PHLPP1: variants seen among roughly 807,000 people sequenced by gnomAD.
PHLPP1 encodes the protein PH domain and leucine rich repeat protein phosphatase 1, also known as PH domain leucine-rich repeat-containing protein phosphatase 1.
PHLPP1 carries 42 observed loss-of-function variants against 117.2 expected under a neutral mutation model. That is an observed-to-expected ratio of 0.36 (90% CI 0.28 to 0.46). The LOEUF (loss-of-function observed/expected upper bound fraction) is 0.46, where lower values mean the gene tolerates loss of function less well. Ranked by LOEUF, PHLPP1 falls within the 20% of genes least tolerant of loss-of-function variation. PHLPP1 has a pLI of 1.00. For synonymous variants in PHLPP1, 1,042 were observed against 970.7 expected, an observed-to-expected ratio of 1.07 and a Z score of -1.37; for missense variants, 2,084 against 2,241.9, an observed-to-expected ratio of 0.93 and a Z score of 1.42.
At chr18:62,783,292 A>G (rs2052827788) in intron 1 of PHLPP1, among the ~76,000 whole-genome samples, 1 of 133,200 alleles carries the variant, frequency 7.5e-6, no homozygotes. Flanking sequence ...CAGTGGCGTG[A>G]TCTTGGCTCA....
At chr18:62,972,446 T>G (rs927830403) in intron 14 of PHLPP1, 68 bp from the exon 15 acceptor site, 2 of 1,398,214 alleles carry the variant, frequency 1.4e-6, no homozygotes, top group African/African-American at 1.4e-5. Context: ...AATCTTGAAA[T>G]AAGCACTGGG....
chr18:62,806,308 T>C (rs1282912852), intron 1 of PHLPP1, among the ~76,000 whole-genome samples: 1 of 152,206 alleles, frequency 6.6e-6, no homozygotes, highest in Non-Finnish European at 1.5e-5. Context: ...TTATTTCTTA[T>C]GGTAATTCCA....
Position 62,830,028 on chromosome 18 carries a change from A to G in PHLPP1, c.1577-7A>G, listed in dbSNP as rs1297553047. Reference sequence around the variant, plus strand: ...AAGAATAACATGTTTGCTTCTGTTTATTTCAGGAAAACCTCACAGCACGGG... The same window carrying G: ...AAGAATAACATGTTTGCTTCTGTTTGTTTCAGGAAAACCTCACAGCACGGG... On this transcript the variant is annotated splice_region_variant and splice_polypyrimidine_tract_variant and intron_variant, in intron 1 of 16. Transcript: ENST00000262719. 2.5e-6 allele frequency: 4 copies of G among 1,595,908 alleles called. No individual in the cohort carries two copies. Among genetic ancestry groups the G allele is most frequent in the East Asian group, 4.5e-5 (2 of 44,350 alleles).
chr18:62,793,714 C>T (rs1275613020), intron 1 of PHLPP1, among the ~76,000 whole-genome samples: 1 of 152,138 alleles, frequency 6.6e-6, no homozygotes, highest in Non-Finnish European at 1.5e-5. Context: ...TTGTAACTTG[C>T]CCAAATTCAC....
At chr18:62,836,761 A>G (rs75768769) in intron 2 of PHLPP1, among the ~76,000 whole-genome samples, 5,442 of 151,700 alleles carry the variant, frequency 0.036, 307 homozygotes, top group African/African-American at 0.12. Context: ...AAAAACTTCT[A>G]TATTTTAAAT....
At position 62,716,056 on chromosome 18, in the gene PHLPP1, C is replaced by T; in HGVS notation, c.373C>T (p.Arg125Trp). The T allele has an allele frequency of 2.0e-6, 3 of 1,475,918 alleles. No homozygotes were observed. The highest frequency in any genetic ancestry group is 2.7e-6 in the Non-Finnish European group (3 of 1,122,776). 91.4% of individuals were successfully genotyped at this position (1,475,918 alleles called of 1,614,324 possible). A position where few individuals can be genotyped will look rare whatever the true frequency, so the allele number is the denominator to read the frequency against. The change falls in exon 1 of 17, where the codon CGG (arginine) becomes TGG (tryptophan). Residue 125 changes from arginine (R) to tryptophan (W), a missense_variant. This residue lies in a region of PHLPP1 where 719 missense variants were observed against 636.0 expected (regional missense o/e 1.13). Transcript: ENST00000262719. The surrounding 1 kb of genome is among the most constrained non-coding windows in gnomAD (Gnocchi z 5.7). ...CAACTCCCTCCTGCTGAGGAGAGGG[C>T]GGCTGAAGAGGAATCTGTCCGCGGC... ...GANSLLLRRG[R>W]LKRNLSAAAA...
intron 1 of PHLPP1, among the ~76,000 whole-genome samples, chr18:62,786,890 G>A (rs1164874438): frequency 6.6e-6 from 1 of 152,184 alleles, no homozygotes; most frequent in Non-Finnish European, 1.5e-5. Context: ...ATTAGAATGA[G>A]TATTTGGTCA....
At chr18:62,782,758 A>G (rs1913154401) in intron 1 of PHLPP1, among the ~76,000 whole-genome samples, 1 of 152,278 alleles carries the variant, frequency 6.6e-6, no homozygotes, top group Admixed American at 6.5e-5. Context: ...AAATTATTTG[A>G]GGGAAGGAGA....
At position 62,979,422 on chromosome 18, in the gene PHLPP1, G is replaced by C; in HGVS notation, c.5145G>C (p.Thr1715=). The C allele has an allele frequency of 6.4e-7, 1 of 1,551,226 alleles. No individual in the cohort carries two copies. Residue 1715 remains threonine, a synonymous_variant, in exon 17 of 17, where the codon ACG becomes ACC. Coordinates refer to ENST00000262719, the MANE Select transcript of PHLPP1 (RefSeq NM_194449.4). Reference sequence around the variant, plus strand: ...ACCAGCTGCCAGATTATTACGACACGCCACTATGACCCAGCCGAGCTGTTT... The same window carrying C: ...ACCAGCTGCCAGATTATTACGACACCCCACTATGACCCAGCCGAGCTGTTT... ...QLDQLPDYYD[T]PL is the part of the protein sequence containing the mutation.
intron 1 of PHLPP1, among the ~76,000 whole-genome samples, chr18:62,766,535 C>G (rs980595365): frequency 6.6e-6 from 1 of 152,108 alleles, no homozygotes; most frequent in Admixed American, 6.6e-5. Context: ...AGGGAGGCCT[C>G]TGCCTGGTGA....
intron 1 of PHLPP1, among the ~76,000 whole-genome samples, chr18:62,738,272 C>T (rs759954969): frequency 2.6e-4 from 39 of 152,018 alleles, no homozygotes; most frequent in Non-Finnish European, 5.0e-4. Flanking sequence ...GGGAGGATGG[C>T]TTGAGCCTGG....
At chr18:62,834,358 A>C (rs990971825) in intron 2 of PHLPP1, among the ~76,000 whole-genome samples, 3 of 152,162 alleles carry the variant, frequency 2.0e-5, no homozygotes, top group Non-Finnish European at 2.9e-5. Flanking sequence ...TGATTGGTGA[A>C]TAACATTATC....
At chr18:62,963,251 A>G (rs1910815863) in intron 13 of PHLPP1, 117 bp from the exon 14 acceptor site, 2 of 636,794 alleles carry the variant, frequency 3.1e-6, no homozygotes, top group Non-Finnish European at 5.5e-6. Context: ...TAAACGCAGT[A>G]AGAAATGGTA....
chr18:62,745,886 C>T (rs1355910668), intron 1 of PHLPP1, among the ~76,000 whole-genome samples: 1 of 152,052 alleles, frequency 6.6e-6, no homozygotes, highest in East Asian at 1.9e-4. Flanking sequence ...ATTTGAAATC[C>T]AAATACTGTA....
chr18:62,783,442 A>G (rs911667753), intron 1 of PHLPP1, among the ~76,000 whole-genome samples: 1 of 151,970 alleles, frequency 6.6e-6, no homozygotes, highest in African/African-American at 2.4e-5. Flanking sequence ...GTTAGCCAGG[A>G]TGGTGCCGAT....
chr18:62,794,246 T>C (rs1272793073), intron 1 of PHLPP1, among the ~76,000 whole-genome samples: 2 of 152,232 alleles, frequency 1.3e-5, no homozygotes, highest in Non-Finnish European at 2.9e-5. Flanking sequence ...TTTTTTTTCT[T>C]TCCAGAAGCA....
rs1357710211 is a variant in PHLPP1 at position 62,979,455 on chromosome 18, A to T, written c.*24A>T. The T allele has an allele frequency of 5.2e-6, 8 of 1,544,670 alleles. No individual in the cohort carries two copies. The highest frequency in any genetic ancestry group is 6.1e-6 in the Non-Finnish European group (7 of 1,142,870). On this transcript the variant is annotated 3_prime_UTR_variant, in exon 17 of 17. Transcript: ENST00000262719. ...GACCCAGCCGAGCTGTTTAACAAAT[A>T]AACTAACCACAAAAGACTGAGTTGC...
At chr18:62,918,867 T>C (rs918973285) in intron 9 of PHLPP1, among the ~76,000 whole-genome samples, 1 of 151,822 alleles carries the variant, frequency 6.6e-6, no homozygotes, top group Non-Finnish European at 1.5e-5. Context: ...AAAAAAAAGA[T>C]AAATATGTGA....
At chr18:62,963,708 A>G (rs1910829727) in intron 14 of PHLPP1, among the ~76,000 whole-genome samples, 1 of 152,238 alleles carries the variant, frequency 6.6e-6, no homozygotes, top group African/African-American at 2.4e-5. Context: ...ATACAAGGTA[A>G]CTGACACATT....
Sources: gnomAD v4.1 joint callset for allele counts (sites outside exome capture counted in the v4.1 genomes callset) on GRCh38, gnomAD v4.1.1 for gene constraint, gnomAD v4.1.1 regional missense constraint, Gnocchi (gnomAD v3.1) non-coding constraint, MANE v1.5 for transcripts, NCBI Gene and HGNC (gene_info 2026-07-23, HGNC 2026-07-21) for gene names.